The following PRELID2 variants were observed in gnomAD, a reference collection of about 807,000 sequenced individuals.
PRELID2 encodes the protein PRELI domain-containing protein 2.
A neutral mutation model predicts 28.4 loss-of-function variants in PRELID2; 25 were observed. The observed-to-expected ratio is 0.88, with a 90% confidence interval of 0.64 to 1.23. PRELID2 has a LOEUF of 1.23. Among genes scored for constraint, PRELID2 ranks in the 50% most tolerant of loss-of-function variants. The pLI is 0.00. For missense variants in PRELID2, 201 were observed against 214.4 expected (o/e 0.94, Z 0.39); for synonymous variants, 76 against 71.6 (o/e 1.06, Z -0.31).
chr5:145,700,452 T>C (rs530322654), intron 1 of PRELID2, among the ~76,000 whole-genome samples: 2 of 152,262 alleles, frequency 1.3e-5, no homozygotes, highest in South Asian at 4.1e-4. Flanking sequence ...TAGAAGCATT[T>C]ATAAAAATAT....
chr5:145,732,571 T>A (rs533776881), intron 1 of PRELID2, among the ~76,000 whole-genome samples: 1 of 152,338 alleles, frequency 6.6e-6, no homozygotes, highest in East Asian at 1.9e-4. Context: ...GTAATTTTAA[T>A]TTGAATTTAA....
intron 1 of PRELID2, among the ~76,000 whole-genome samples, chr5:145,659,046 A>G (rs902772966): frequency 2.0e-5 from 3 of 152,196 alleles, no homozygotes; most frequent in Admixed American, 2.0e-4. Context: ...AAATGAACCT[A>G]CAGCAGAGGG....
chr5:145,817,368 A>G (rs1275363300), intron 4 of PRELID2, among the ~76,000 whole-genome samples: 2 of 142,248 alleles, frequency 1.4e-5, no homozygotes, highest in African/African-American at 5.0e-5. Flanking sequence ...AGCTACATAA[A>G]ATGTCATATA....
chr5:145,405,801 G>T, the PRELID2 span, among the ~76,000 whole-genome samples: 60 of 149,662 alleles, frequency 4.0e-4, no homozygotes, highest in African/African-American at 1.5e-3. Flanking sequence ...CGCCTCCCAG[G>T]TTCATGCCAA....
At chr5:145,777,401 A>G (rs1466175771) in intron 5 of PRELID2, among the ~76,000 whole-genome samples, 1 of 152,132 alleles carries the variant, frequency 6.6e-6, no homozygotes, top group Non-Finnish European at 1.5e-5. Context: ...CCTTAAAGCC[A>G]GGCAGCCTAG....
chr5:145,398,568 A>T, the PRELID2 span, among the ~76,000 whole-genome samples: 1 of 151,876 alleles, frequency 6.6e-6, no homozygotes, highest in Admixed American at 6.6e-5. Context: ...GCCATTTTGG[A>T]GTTGTGATCC....
chr5:145,416,748 C>A, the PRELID2 span, among the ~76,000 whole-genome samples: 26 of 152,006 alleles, frequency 1.7e-4, no homozygotes, highest in Non-Finnish European at 2.6e-4. Flanking sequence ...ACTAGAAAAG[C>A]AAACAAACCC....
chr5:145,312,862 T>C, the PRELID2 span, among the ~76,000 whole-genome samples: 1 of 152,190 alleles, frequency 6.6e-6, no homozygotes, highest in Admixed American at 6.5e-5. Flanking sequence ...CTATTTCTTC[T>C]AGCTATATAT....
chr5:145,776,992 TG>T (rs1758450189), intron 5 of PRELID2, among the ~76,000 whole-genome samples: 1 of 152,232 alleles, frequency 6.6e-6, no homozygotes, highest in African/African-American at 2.4e-5. Flanking sequence ...CTTGGTGAAC[TG>T]CAAGGGTGGG....
At chr5:145,627,723 C>A (rs1360822215) in intron 1 of PRELID2, among the ~76,000 whole-genome samples, 2 of 152,152 alleles carry the variant, frequency 1.3e-5, no homozygotes, top group African/African-American at 2.4e-5. Context: ...CTAATCAACC[C>A]ATCCACAACC....
intron 1 of PRELID2, among the ~76,000 whole-genome samples, chr5:145,583,673 A>G (rs1471036669): frequency 2.0e-5 from 3 of 152,044 alleles, no homozygotes; most frequent in African/African-American, 7.2e-5. Context: ...CAAATTATGA[A>G]TTAACTCCCA....
At chr5:145,321,512 A>C in the PRELID2 span, among the ~76,000 whole-genome samples, 2 of 152,240 alleles carry the variant, frequency 1.3e-5, no homozygotes, top group African/African-American at 2.4e-5. Context: ...TGTCCACAAC[A>C]ATAGCAGTTG....
At chr5:145,642,920 C>T (rs990636091) in intron 1 of PRELID2, among the ~76,000 whole-genome samples, 1 of 152,128 alleles carries the variant, frequency 6.6e-6, no homozygotes, top group Non-Finnish European at 1.5e-5. Context: ...TTACTATAGA[C>T]TTGTAGTATA....
the PRELID2 span, among the ~76,000 whole-genome samples, chr5:145,463,133 G>A: frequency 6.6e-6 from 1 of 151,830 alleles, no homozygotes; most frequent in South Asian, 2.1e-4. Flanking sequence ...TTTCAGCTTT[G>A]TATATTTTTC....
chr5:145,253,399 A>G, the PRELID2 span, among the ~76,000 whole-genome samples: 1 of 152,166 alleles, frequency 6.6e-6, no homozygotes, highest in African/African-American at 2.4e-5. Context: ...TATTTTATAG[A>G]TGAAACAATC....
At chr5:145,371,199 A>T in the PRELID2 span, among the ~76,000 whole-genome samples, 4 of 152,174 alleles carry the variant, frequency 2.6e-5, no homozygotes, top group Non-Finnish European at 5.9e-5. Flanking sequence ...GCCGGTTTTC[A>T]AAGGCAATGC....
At chr5:145,279,830 GAA>G in the PRELID2 span, among the ~76,000 whole-genome samples, 6,421 of 143,382 alleles carry the variant, frequency 0.045, 441 homozygotes, top group African/African-American at 0.15. Context: ...TAGTTTTTGA[GAA>G]AAAAAAAAAA....
chr5:145,553,088 G>T (rs2126683166), intron 1 of PRELID2, among the ~76,000 whole-genome samples: 1 of 151,840 alleles, frequency 6.6e-6, no homozygotes, highest in South Asian at 2.1e-4. Context: ...AGTCATCAGA[G>T]AGTTCACTTG....
intron 1 of PRELID2, among the ~76,000 whole-genome samples, chr5:145,510,520 T>C (rs1323762111): frequency 2.0e-5 from 3 of 152,216 alleles, no homozygotes; most frequent in Non-Finnish European, 4.4e-5. Context: ...TTCTTGGCTC[T>C]GGCCACATGC....
Sources: gnomAD v4.1 joint callset for allele counts (sites outside exome capture counted in the v4.1 genomes callset) on GRCh38, gnomAD v4.1.1 for gene constraint, MANE v1.5 for transcripts, NCBI Gene and HGNC (gene_info 2026-07-23, HGNC 2026-07-21) for gene names.